The following STYX variants were observed in gnomAD, a reference collection of about 807,000 sequenced individuals.
STYX encodes the protein serine/threonine/tyrosine-interacting protein.
A neutral mutation model predicts 42.7 loss-of-function variants in STYX; 20 were observed. The ratio of observed to expected loss-of-function variants is 0.47; its 90% confidence interval spans 0.33 to 0.68. STYX has a LOEUF of 0.68. STYX is among the 30% of genes least tolerant of loss of function. The pLI, the probability that STYX is intolerant of heterozygous loss-of-function variation, is 0.02. For missense variants in STYX, 226 were observed against 268.5 expected, an observed-to-expected ratio of 0.84 and a Z score of 1.11; for synonymous variants, 78 against 81.9, an observed-to-expected ratio of 0.95 and a Z score of 0.26.
At chr14:52,756,483 G>A in intron 4 of STYX, 68 bp from the exon 5 acceptor site, 2 of 901,164 alleles carry the variant, frequency 2.2e-6, no homozygotes, top group East Asian at 2.7e-5. Flanking sequence ...GAAATAATGA[G>A]TTATTTTTTT....
At position 52,746,489 on chromosome 14, in the gene STYX, T is replaced by A; in HGVS notation, c.144+10T>A. The A allele has an allele frequency of 6.4e-7, 1 of 1,552,474 alleles. No homozygotes were observed. The highest frequency in any genetic ancestry group is 8.6e-7 in the Non-Finnish European group (1 of 1,160,234). ...TGCTATGAAAAGCAAGGTATGAACT[T>A]TGTTAGATTCATCAAGAGAGACTTT... On this transcript the variant is annotated intron_variant, in intron 3 of 10. Coordinates refer to ENST00000354586, the MANE Select transcript of STYX (RefSeq NM_145251.4).
intron 2 of STYX, 29 bp from the exon 3 acceptor site, chr14:52,746,397 G>A: frequency 1.3e-6 from 2 of 1,531,158 alleles, no homozygotes; most frequent in East Asian, 2.5e-5. Flanking sequence ...ATTGCTGATG[G>A]TAAATACCTC....
intron 10 of STYX, among the ~76,000 whole-genome samples, chr14:52,769,240 G>C (rs1247572885): frequency 6.6e-6 from 1 of 152,076 alleles, no homozygotes; most frequent in African/African-American, 2.4e-5. Context: ...TGGCTAATGT[G>C]AGCTTCTTTC....
At chr14:52,752,256 C>G (rs929111695) in intron 4 of STYX, among the ~76,000 whole-genome samples, 1 of 151,536 alleles carries the variant, frequency 6.6e-6, no homozygotes, top group Admixed American at 6.6e-5. Flanking sequence ...ATCACGAGGT[C>G]GAGATTGAGA....
chr14:52,752,583 T>C (rs947111713), intron 4 of STYX, among the ~76,000 whole-genome samples: 9 of 152,182 alleles, frequency 5.9e-5, no homozygotes, highest in Admixed American at 2.6e-4. Flanking sequence ...AATAGAATAC[T>C]ATGTAACCAT....
At chr14:52,731,611 T>C (rs1196926193) in intron 1 of STYX, 1 of 151,832 alleles carries the variant, frequency 6.6e-6, no homozygotes, top group East Asian at 1.9e-4. Flanking sequence ...CTAATTTTTG[T>C]GTTTTTAGGG....
intron 4 of STYX, among the ~76,000 whole-genome samples, chr14:52,752,339 C>T (rs1280408854): frequency 6.6e-6 from 1 of 151,932 alleles, no homozygotes; most frequent in Non-Finnish European, 1.5e-5. Flanking sequence ...GTGGCACATG[C>T]CTGTAGTCCC....
At chr14:52,730,648 G>A (rs1208202665) in intron 1 of STYX, 117 bp downstream of exon 1, 2 of 1,155,944 alleles carry the variant, frequency 1.7e-6, no homozygotes, top group Non-Finnish European at 2.5e-6. Context: ...CCTCCTAAGG[G>A]CGTCCCGGGA....
chr14:52,741,210 T>A lies in STYX; in HGVS notation c.58-3642T>A, dbSNP rs1022490468. On this transcript the variant is annotated intron_variant, in intron 1 of 10. Coordinates refer to ENST00000354586, the MANE Select transcript of STYX (RefSeq NM_145251.4). Reference sequence around the variant, plus strand: ...TAAGTCTTTGTGTGGATATATGTTTTTATATATATATATATATATATTTTT... The same window carrying A: ...TAAGTCTTTGTGTGGATATATGTTTATATATATATATATATATATATTTTT... 1.8e-4 allele frequency among the ~76,000 whole-genome samples: 26 copies of A among 143,686 alleles called. No individual in the cohort carries two copies. In the East Asian group the frequency reaches 2.4e-3, roughly 13 times the overall value. 94.3% of individuals were successfully genotyped at this position (143,686 alleles called of 152,430 possible).
At chr14:52,761,226 G>A (rs1201788251) in intron 9 of STYX, among the ~76,000 whole-genome samples, 1 of 151,778 alleles carries the variant, frequency 6.6e-6, no homozygotes. Flanking sequence ...TACTCAGGAG[G>A]CTGAGGCAGG....
intron 1 of STYX, among the ~76,000 whole-genome samples, chr14:52,732,195 C>G (rs1405459547): frequency 6.7e-6 from 1 of 150,094 alleles, no homozygotes; most frequent in Admixed American, 6.6e-5. Context: ...CCTCGGGTCC[C>G]GGTTCAAACA....
At chr14:52,749,619 A>G (rs902177665) in intron 3 of STYX, among the ~76,000 whole-genome samples, 10 of 152,222 alleles carry the variant, frequency 6.6e-5, no homozygotes, top group Admixed American at 6.5e-4. Context: ...GTGAACAAAT[A>G]AAAATCTTTT....
intron 4 of STYX, among the ~76,000 whole-genome samples, chr14:52,754,787 T>C (rs975707714): frequency 7.9e-5 from 12 of 152,318 alleles, no homozygotes; most frequent in African/African-American, 2.9e-4. Context: ...ATACTATTCA[T>C]TTCTAATGTG....
At chr14:52,754,587 GTTCCACAA>G (rs1171129778) in intron 4 of STYX, among the ~76,000 whole-genome samples, 1 of 151,978 alleles carries the variant, frequency 6.6e-6, no homozygotes, top group African/African-American at 2.4e-5. Flanking sequence ...ATCATCTACA[GTTCCACAA>G]TTCAGAGAAA....
chr14:52,744,925 TATC>T (rs774369702), intron 2 of STYX, 41 bp downstream of exon 2: 46 of 1,598,338 alleles, frequency 2.9e-5, no homozygotes, highest in Non-Finnish European at 3.8e-5. Context: ...CCCATGTTAT[TATC>T]ATAATAAGAA....
In STYX at chr14:52,749,020, C is replaced by G. The variant is rs116992030; in HGVS notation, c.145-1663C>G. Among the ~76,000 whole-genome samples, 1,150 of 152,306 alleles carry G rather than the reference C, an allele frequency of 7.6e-3. 10 individuals are homozygous for G. The highest frequency in any genetic ancestry group is 0.035 in the South Asian group (168 of 4,826). On this transcript the variant is annotated intron_variant, in intron 3 of 10. Coordinates refer to ENST00000354586, the MANE Select transcript of STYX (RefSeq NM_145251.4). ...AAACTTGCAAATTATATTGTCTTAG[C>G]CCAGGCTGCTCAAACAAAATACCAT...
chr14:52,754,306 A>C (rs1240755981), intron 4 of STYX, among the ~76,000 whole-genome samples: 2 of 151,514 alleles, frequency 1.3e-5, no homozygotes, highest in Admixed American at 6.6e-5. Flanking sequence ...TTGACCTCCC[A>C]GGCTCAAGCA....
chr14:52,761,566 G>GTTTTTTTTTTTT (rs539782412), intron 9 of STYX, among the ~76,000 whole-genome samples: 1 of 100,832 alleles, frequency 9.9e-6, no homozygotes, highest in African/African-American at 3.8e-5. Flanking sequence ...GTAGCCAAAA[G>GTTTTTTTTTTTT]TTTTTTTTTT....
At chr14:52,769,963 CTTT>C (rs1016120942) in intron 10 of STYX, among the ~76,000 whole-genome samples, 10 of 151,994 alleles carry the variant, frequency 6.6e-5, no homozygotes, top group Admixed American at 5.2e-4. Flanking sequence ...CATTGTTCTT[CTTT>C]ATGTCTGCAT....
Sources: allele counts gnomAD v4.1 joint callset (sites outside exome capture counted in the v4.1 genomes callset), GRCh38; gene constraint gnomAD v4.1.1; transcripts MANE v1.5; gene names NCBI Gene and HGNC (gene_info 2026-07-23, HGNC 2026-07-21).